Variants in IP6K3 observed in about 807,000 individuals in gnomAD.
IP6K3 encodes inositol hexakisphosphate kinase 3, also known as ATP:1D-myo-inositol-hexakisphosphate phosphotransferase.
IP6K3 carries 20 observed loss-of-function variants against 28.8 expected under a neutral mutation model. The ratio of observed to expected loss-of-function variants is 0.70; its 90% confidence interval spans 0.49 to 1.01. The LOEUF is 1.01. Among genes scored for constraint, IP6K3 ranks in the 50% least tolerant of loss-of-function variants. The pLI is 0.00. For synonymous variants in IP6K3, 213 were observed against 221.3 expected, an observed-to-expected ratio of 0.96 and a Z score of 0.33; for missense variants, 480 against 537.1, an observed-to-expected ratio of 0.89 and a Z score of 1.05.
In IP6K3 at chr6:33,735,468, C is replaced by T; in HGVS notation, c.9G>A (p.Val3=). The T allele has an allele frequency of 6.2e-7, 1 of 1,609,350 alleles. No individual in the cohort carries two copies. The highest frequency in any genetic ancestry group is 8.5e-7 in the Non-Finnish European group (1 of 1,179,832). Residue 3 remains valine, a synonymous_variant, in exon 2 of 6, where the codon GTG becomes GTA. Coordinates refer to ENST00000293756, the MANE Select transcript of IP6K3 (RefSeq NM_054111.5). MV[V]QNSADAGDMR... ...TGTCCCCGGCGTCTGCGCTGTTTTG[C>T]ACAACCATGGCGGCAGATGGTGGTG...
chr6:33,754,187 CA>C, the IP6K3 span, among the ~76,000 whole-genome samples: 1 of 152,122 alleles, frequency 6.6e-6, no homozygotes, highest in East Asian at 1.9e-4. Context: ...CAGATATACC[CA>C]GCTGGGCCGG....
chr6:33,760,033 C>G, the IP6K3 span, among the ~76,000 whole-genome samples: 6 of 152,184 alleles, frequency 3.9e-5, no homozygotes, highest in Non-Finnish European at 2.9e-5. Flanking sequence ...AGGGACTGAG[C>G]CTGCGAGCCT....
Position 33,725,571 on chromosome 6 carries a change from CAG to C in IP6K3, c.633_634del (p.Val213ProfsTer13). On this transcript the variant is annotated frameshift_variant, in exon 5 of 6. Transcript: ENST00000293756. LOFTEE classifies it high-confidence loss of function. ...GGTCCCCATCTTCAGATCCAGGACA[CAG>C]GGATGCGTGTACTGTGACACTACAT... The C allele has an allele frequency of 6.2e-7, 1 of 1,614,212 alleles. No homozygotes were observed. Among genetic ancestry groups the C allele is most frequent in the Middle Eastern group, 1.6e-4 (1 of 6,062 alleles).
At chr6:33,752,257 C>T in the IP6K3 span, among the ~76,000 whole-genome samples, 305 of 152,348 alleles carry the variant, frequency 2.0e-3, 1 homozygote, top group African/African-American at 6.6e-3. Flanking sequence ...CGGTGGCTGA[C>T]ATCAAGGACT....
chr6:33,726,660 C>T (rs1766124119), intron 4 of IP6K3, 71 bp downstream of exon 4: 2 of 1,439,006 alleles, frequency 1.4e-6, no homozygotes, highest in African/African-American at 1.4e-5. Flanking sequence ...TTCCTCTACC[C>T]ACCTCTGCCC....
Position 33,722,914 on chromosome 6 carries a change from CG to C in IP6K3, c.1038del (p.His346GlnfsTer22). Reference sequence around the variant, plus strand: ...CTACCGTGGGCTGCCTGGGGAGCCTCGTGAGGATGCGGGCTGCCTGGGGCTC... The same window carrying C: ...CTACCGTGGGCTGCCTGGGGAGCCTCTGAGGATGCGGGCTGCCTGGGGCTC... Reference protein sequence around the residue: ...PERAPGSPHPHEAPQAAHGSS... With the variant: ...PERAPGSPHPXEAPQAAHGSS... On this transcript the variant is annotated frameshift_variant, in exon 6 of 6. Coordinates refer to ENST00000293756, the MANE Select transcript of IP6K3 (RefSeq NM_054111.5). LOFTEE classifies it low-confidence loss of function (END_TRUNC). 6.2e-7 allele frequency: 1 copy of C among 1,613,822 alleles called. No homozygotes were observed. Among genetic ancestry groups the C allele is most frequent in the Non-Finnish European group, 8.5e-7 (1 of 1,179,944 alleles).
At chr6:33,743,654 C>T (rs1258592046) in intron 1 of IP6K3, among the ~76,000 whole-genome samples, 1 of 152,032 alleles carries the variant, frequency 6.6e-6, no homozygotes, top group African/African-American at 2.4e-5. Context: ...GCCCTCTGTC[C>T]GTGTGGCTCT....
At chr6:33,756,658 C>T in the IP6K3 span, among the ~76,000 whole-genome samples, 34 of 152,190 alleles carry the variant, frequency 2.2e-4, no homozygotes, top group Non-Finnish European at 3.8e-4. Flanking sequence ...AGGAATGAAA[C>T]GGGGCCAGTG....
intron 2 of IP6K3, 131 bp downstream of exon 2, chr6:33,735,146 GC>G: frequency 1.4e-6 from 1 of 691,650 alleles, no homozygotes; most frequent in East Asian, 2.8e-5. Context: ...GGCCAGCCCC[GC>G]TGGGAGAGGG....
chr6:33,734,484 G>A (rs894694497), intron 2 of IP6K3, among the ~76,000 whole-genome samples: 2 of 152,238 alleles, frequency 1.3e-5, no homozygotes, highest in African/African-American at 4.8e-5. Context: ...AATGAGGGCA[G>A]CAGCTTGCAG....
chr6:33,730,789 G>A (rs925588260), intron 2 of IP6K3, among the ~76,000 whole-genome samples: 1 of 152,242 alleles, frequency 6.6e-6, no homozygotes, highest in Non-Finnish European at 1.5e-5. Context: ...GGCCATGCCA[G>A]ACGTGGGGAT....
At chr6:33,738,693 T>A (rs1477014580) in intron 1 of IP6K3, among the ~76,000 whole-genome samples, 1 of 152,020 alleles carries the variant, frequency 6.6e-6, no homozygotes, top group East Asian at 1.9e-4. Flanking sequence ...AGCCCCAGAG[T>A]GTGCGTCCCG....
chr6:33,735,190 A>G (rs1766470716), intron 2 of IP6K3, 88 bp downstream of exon 2: 1 of 1,142,798 alleles, frequency 8.8e-7, no homozygotes, highest in Admixed American at 2.0e-5. Flanking sequence ...ACACACACCC[A>G]CACCACAGGA....
the IP6K3 span, among the ~76,000 whole-genome samples, chr6:33,759,544 T>C: frequency 6.6e-6 from 1 of 152,278 alleles, no homozygotes; most frequent in Non-Finnish European, 1.5e-5. Flanking sequence ...GTCACTTTTA[T>C]AACAAACTTA....
At chr6:33,735,705 GGGGCA>G (rs1341680424) in intron 1 of IP6K3, 50 bp from the exon 2 acceptor site, 1 of 1,111,200 alleles carries the variant, frequency 9.0e-7, no homozygotes, top group African/African-American at 1.6e-5. Flanking sequence ...GGTGGTGGCT[GGGGCA>G]GGGCAGCGCT....
Position 33,722,161 on chromosome 6 carries a change from A to C in IP6K3, c.*559T>G, listed in dbSNP as rs1765923541. 1 of 152,256 alleles carries C rather than the reference A, an allele frequency of 6.6e-6. No homozygotes were observed. Among genetic ancestry groups the C allele is most frequent in the Admixed American group, 6.5e-5 (1 of 15,288 alleles). The allele number at this position is 152,256 out of a possible 1,614,324, so 9.4% of individuals were successfully genotyped here. The stretch of plus-strand genomic sequence containing the variant: ...CCTGGGCTTGGCTTTGTCCACTTAG[A>C]AGCTGGGTGCAGAGCAGATGAGATG... On this transcript the variant is annotated 3_prime_UTR_variant, in exon 6 of 6. Transcript: ENST00000293756.
Position 33,722,888 on chromosome 6 carries a change from G to C in IP6K3, c.1065C>G (p.Ser355Arg). Residue 355 changes from serine to arginine, a missense_variant, in exon 6 of 6, where the codon AGC (serine) becomes AGG (arginine). Ser to Arg is a moderately radical substitution (Grantham distance 110). Transcript: ENST00000293756. ...CAACCTTGGTGAGACCACCGGGAGA[G>C]CTACCGTGGGCTGCCTGGGGAGCCT... ...PHEAPQAAHG[S>R]SPGGLTKVDI... 1 of 1,614,174 alleles carries C rather than the reference G, an allele frequency of 6.2e-7. No homozygotes were observed. Among genetic ancestry groups the C allele is most frequent in the East Asian group, 2.2e-5 (1 of 44,880 alleles).
Position 33,723,489 on chromosome 6 carries a change from A to G in IP6K3, c.766-302T>C, listed in dbSNP as rs1423049648. ...GGATCTTCTTTCTTGTGAATTTCCA[A>G]TGTCAACCTCCAAATCATGATTTAA... On this transcript the variant is annotated intron_variant, in intron 5 of 5. Coordinates refer to ENST00000293756, the MANE Select transcript of IP6K3 (RefSeq NM_054111.5). Among the ~76,000 whole-genome samples, 5 of 152,232 alleles carry G rather than the reference A, an allele frequency of 3.3e-5. 1 individual carries two copies. Among genetic ancestry groups the G allele is most frequent in the Admixed American group, 2.0e-4 (3 of 15,284 alleles).
chr6:33,733,765 A>G (rs1766405319), intron 2 of IP6K3, among the ~76,000 whole-genome samples: 1 of 152,188 alleles, frequency 6.6e-6, no homozygotes, highest in South Asian at 2.1e-4. Context: ...TCCGTGTGTG[A>G]CGCTGATCGG....
Sources: allele counts gnomAD v4.1 joint callset (sites outside exome capture counted in the v4.1 genomes callset), GRCh38; gene constraint gnomAD v4.1.1; transcripts MANE v1.5; gene names NCBI Gene and HGNC (gene_info 2026-07-23, HGNC 2026-07-21).